Variants in COG6 observed in about 807,000 individuals in gnomAD.
COG6 encodes the protein conserved oligomeric Golgi complex subunit 6.
Under a neutral mutation model 88.8 loss-of-function variants are expected in COG6, and 74 were observed. The ratio of observed to expected loss-of-function variants is 0.83; its 90% CI spans 0.69 to 1.01. COG6 has a LOEUF of 1.01. Ranked by LOEUF, COG6 falls within the 50% of genes least tolerant of loss-of-function variation. The pLI is 0.00. For synonymous variants in COG6, 286 were observed against 278.7 expected (o/e 1.03, Z -0.26); for missense variants, 800 against 797.9 (o/e 1.00, Z -0.03).
chr13:39,731,093 G>T (rs1054792974), intron 18 of COG6, among the ~76,000 whole-genome samples: 1 of 151,986 alleles, frequency 6.6e-6, no homozygotes, highest in Non-Finnish European at 1.5e-5. Flanking sequence ...AAAGTGCTGG[G>T]GTGACAGGCT....
At chr13:39,660,527 G>A (rs1874829085) in intron 2 of COG6, among the ~76,000 whole-genome samples, 1 of 152,138 alleles carries the variant, frequency 6.6e-6, no homozygotes, top group African/African-American at 2.4e-5. Context: ...AAGAGTAACT[G>A]CAATTGAATA....
At chr13:39,689,396 G>C (rs972977247) in intron 10 of COG6, among the ~76,000 whole-genome samples, 1 of 152,156 alleles carries the variant, frequency 6.6e-6, no homozygotes, top group Non-Finnish European at 1.5e-5. Context: ...GGAACAAGAT[G>C]TTTGTAAAAC....
intron 18 of COG6, among the ~76,000 whole-genome samples, chr13:39,729,630 G>A (rs1173805938): frequency 6.6e-6 from 1 of 151,976 alleles, no homozygotes; most frequent in Non-Finnish European, 1.5e-5. Flanking sequence ...AAATATATGA[G>A]GAAATAGTAA....
At chr13:39,699,462 A>G (rs781584019) in intron 12 of COG6, 39 bp from the exon 13 acceptor site, 2 of 945,864 alleles carry the variant, frequency 2.1e-6, no homozygotes, top group East Asian at 2.4e-5. Flanking sequence ...GTTTTGTTTC[A>G]GTTTCTGTTT....
intron 18 of COG6, among the ~76,000 whole-genome samples, chr13:39,738,840 G>C (rs1362989610): frequency 2.0e-5 from 3 of 152,044 alleles, no homozygotes; most frequent in African/African-American, 7.2e-5. Context: ...AGTAAATATA[G>C]TAGTATATCT....
chr13:39,751,932 A>G lies in COG6; in HGVS notation c.*839A>G. ...ATATGGGTCCTAAATCCAACCAACT[A>G]CACATTTTATCTGGTGTTCAAACCA... On this transcript the variant is annotated 3_prime_UTR_variant, in exon 19 of 19. Coordinates refer to ENST00000455146, the MANE Select transcript of COG6 (RefSeq NM_020751.3). 2 of 1,227,904 alleles carry G rather than the reference A, an allele frequency of 1.6e-6. No individual in the cohort carries two copies. The highest frequency in any genetic ancestry group is 2.1e-6 in the Non-Finnish European group (2 of 934,820). 76.1% of individuals were successfully genotyped at this position (1,227,904 alleles called of 1,614,324 possible).
At chr13:39,706,282 A>ATATATATATATATAT (rs1877919515) in intron 13 of COG6, among the ~76,000 whole-genome samples, 1 of 59,724 alleles carries the variant, frequency 1.7e-5, no homozygotes, top group Non-Finnish European at 3.8e-5. Context: ...TATATATTTA[A>ATATATATATATATAT]ATATATATAG....
downstream of COG6, among the ~76,000 whole-genome samples, chr13:39,754,555 A>G (rs911924513): frequency 3.9e-5 from 6 of 152,162 alleles, no homozygotes; most frequent in African/African-American, 1.2e-4. Context: ...TTTTTCATAT[A>G]TGTTACATAA....
intron 12 of COG6, among the ~76,000 whole-genome samples, chr13:39,694,955 G>GCACACACACA (rs5803006): frequency 1.5e-4 from 21 of 142,556 alleles, no homozygotes; most frequent in Admixed American, 1.3e-3. Context: ...TTAACTACAC[G>GCACACACACA]CACACACACA....
rs1566188070 is a variant in COG6 at position 39,706,235 on chromosome 13, T to TTATATATATATATACTCCTTTATATATA, written c.1284+6632_1284+6659dup. On this transcript the variant is annotated intron_variant, in intron 13 of 18. Transcript: ENST00000455146. ...CTCCTTTATATATATATATACTCCTTTATATATATATATACTCCTTTATAT... is the reference window on the plus strand; with the variant it reads ...CTCCTTTATATATATATATACTCCTTTATATATATATATACTCCTTTATATATATATATATATATATACTCCTTTATAT... Among the ~76,000 whole-genome samples the TTATATATATATATACTCCTTTATATATA allele has an allele frequency of 2.6e-4, 28 of 106,456 alleles. 2 individuals are homozygous for TTATATATATATATACTCCTTTATATATA. Among genetic ancestry groups the TTATATATATATATACTCCTTTATATATA allele is most frequent in the African/African-American group, 9.0e-4 (27 of 29,992 alleles). 69.8% of individuals were successfully genotyped at this position (106,456 alleles called of 152,430 possible).
At chr13:39,753,434 A>G (rs1053760985), downstream of COG6, among the ~76,000 whole-genome samples, 1 of 152,216 alleles carries the variant, frequency 6.6e-6, no homozygotes, top group Non-Finnish European at 1.5e-5. Context: ...AGCAGTCTAA[A>G]TGAACTAAGA....
intron 13 of COG6, among the ~76,000 whole-genome samples, chr13:39,707,301 G>A (rs145500164): frequency 0.025 from 3,808 of 151,778 alleles, 169 homozygotes; most frequent in African/African-American, 0.087. Flanking sequence ...GCTAATTTTT[G>A]TATTTTTAGT....
intron 6 of COG6, 106 bp downstream of exon 6, chr13:39,679,726 T>A: frequency 1.3e-6 from 1 of 786,400 alleles, no homozygotes; most frequent in Non-Finnish European, 2.3e-6. Flanking sequence ...GAAATAGAAG[T>A]TTAATCTTTA....
intron 13 of COG6, among the ~76,000 whole-genome samples, chr13:39,714,003 T>A (rs902032769): frequency 3.9e-5 from 6 of 152,228 alleles, no homozygotes; most frequent in Admixed American, 1.3e-4. Flanking sequence ...TGGCAGTTTG[T>A]TGAATGACTT....
chr13:39,778,497 A>T (rs912690786), intron 18 of COG6, among the ~76,000 whole-genome samples: 1 of 152,246 alleles, frequency 6.6e-6, no homozygotes, highest in Non-Finnish European at 1.5e-5. Context: ...GAGCTTATTG[A>T]TAATCTCCTT....
At chr13:39,748,909 C>G (rs1425307098) in intron 18 of COG6, among the ~76,000 whole-genome samples, 1 of 152,166 alleles carries the variant, frequency 6.6e-6, no homozygotes, top group African/African-American at 2.4e-5. Flanking sequence ...TTCCATCCAA[C>G]TATTTTCTTT....
At chr13:39,683,097 AAAT>A (rs1183454628) in intron 8 of COG6, among the ~76,000 whole-genome samples, 1 of 152,180 alleles carries the variant, frequency 6.6e-6, no homozygotes, top group Non-Finnish European at 1.5e-5. Context: ...CAGCTGTGTA[AAAT>A]AATAACACCC....
intron 8 of COG6, among the ~76,000 whole-genome samples, chr13:39,684,918 A>C (rs1164738877): frequency 3.9e-5 from 6 of 152,216 alleles, no homozygotes; most frequent in Non-Finnish European, 8.8e-5. Context: ...ACTTTTAATA[A>C]TAAATCATGT....
At position 39,689,842 on chromosome 13, in the gene COG6, T is replaced by C. The variant is rs9548882; in HGVS notation, c.1074+18T>C. 395,554 of 1,549,392 alleles carry C rather than the reference T, an allele frequency of 0.26. 52,437 individuals are homozygous for C. Among genetic ancestry groups the C allele is most frequent in the Non-Finnish European group, 0.28 (311,795 of 1,123,192 alleles). The stretch of plus-strand genomic sequence containing the variant: ...CTCTAAAGGTAAAATATTTTGTTTT[T>C]ACATATGCTATATGGTACCTGCTTA... On this transcript the variant is annotated intron_variant, in intron 11 of 18. Transcript: ENST00000455146.
Sources: gnomAD v4.1 joint callset for allele counts (sites outside exome capture counted in the v4.1 genomes callset) on GRCh38, gnomAD v4.1.1 for gene constraint, MANE v1.5 for transcripts, NCBI Gene and HGNC (gene_info 2026-07-23, HGNC 2026-07-21) for gene names.